The following MS4A4A variants were observed in gnomAD, a reference collection of about 807,000 sequenced individuals.
MS4A4A encodes membrane spanning 4-domains A4A, also known as membrane-spanning 4-domains subfamily A member 4A.
Under a neutral mutation model 28.0 loss-of-function variants are expected in MS4A4A, and 26 were observed. The ratio of observed to expected loss-of-function variants is 0.93; its 90% CI spans 0.68 to 1.29. MS4A4A has a LOEUF of 1.29. MS4A4A is among the 50% of genes most tolerant of loss of function. The probability of loss-of-function intolerance (pLI) is 0.00; values close to 1 mark genes in which losing one functional copy is unlikely to be tolerated. For missense variants in MS4A4A, 290 were observed against 293.1 expected (o/e 0.99, Z 0.08); for synonymous variants, 86 against 100.8 (o/e 0.85, Z 0.88).
In MS4A4A at chr11:60,306,153, G is replaced by A. The variant is rs1222865755; in HGVS notation, c.600G>A (p.Val200=). 6 of 1,613,988 alleles carry A rather than the reference G, an allele frequency of 3.7e-6. No homozygotes were observed. Among genetic ancestry groups the A allele is most frequent in the Admixed American group, 1.7e-5 (1 of 60,012 alleles). The stretch of plus-strand genomic sequence containing the variant: ...GTGTGCTGGAATTCTGCATTGCTGT[G>A]TCCCTCTCTGCCTTTGGATGTAAAG... ...LLSVLEFCIA[V]SLSAFGCKVL... is the part of the protein sequence containing the mutation. The change falls in exon 6 of 7, where the codon GTG becomes GTA. Residue 200 remains valine, a synonymous_variant. Transcript: ENST00000337908.
At chr11:60,289,988 C>T in intron 1 of MS4A4A, 3 of 307,016 alleles carry the variant, frequency 9.8e-6, no homozygotes, top group East Asian at 1.8e-4. Flanking sequence ...TATCTATACT[C>T]TTTACATATT....
In MS4A4A at chr11:60,280,688, T is replaced by A; in HGVS notation, c.13T>A (p.Tyr5Asn). 1 of 1,613,702 alleles carries A rather than the reference T, an allele frequency of 6.2e-7. No homozygotes were observed. Among genetic ancestry groups the A allele is most frequent in the Non-Finnish European group, 8.5e-7 (1 of 1,179,734 alleles). The stretch of plus-strand genomic sequence containing the variant: ...CCCAGAGCCCTGCATGCATCAGACC[T>A]ACAGCAGACATTGCAGGCCTGAAGA... MHQT[Y>N]SRHCRPEEST... is the part of the protein sequence containing the mutation. Residue 5 changes from tyrosine (Y) to asparagine (N), a missense_variant, in exon 1 of 7, where the codon TAC (tyrosine) becomes AAC (asparagine). Tyr to Asn is a moderately radical substitution (Grantham distance 143). Transcript: ENST00000337908.
At chr11:60,304,541 A>G (rs1292340246) in intron 5 of MS4A4A, among the ~76,000 whole-genome samples, 2 of 152,220 alleles carry the variant, frequency 1.3e-5, no homozygotes, top group Non-Finnish European at 2.9e-5. Context: ...GATTTGAAGT[A>G]ATGGTTCTAT....
chr11:60,283,627 C>T (rs988639322), intron 1 of MS4A4A, among the ~76,000 whole-genome samples: 1 of 152,160 alleles, frequency 6.6e-6, no homozygotes, highest in African/African-American at 2.4e-5. Flanking sequence ...TAAAAATAAC[C>T]TCTTCTCCCT....
In MS4A4A at chr11:60,304,782, T is replaced by C. The variant is rs186285136; in HGVS notation, c.547-1318T>C. Among the ~76,000 whole-genome samples the C allele has an allele frequency of 3.1e-3, 474 of 152,326 alleles. 3 individuals carry two copies. The highest frequency in any genetic ancestry group is 4.3e-3 in the Non-Finnish European group (295 of 68,024). ...TGGTCGGCAAAATCTAAAATGTACA[T>C]TATCTGGCCTTTACAGAAAGCTTGC... On this transcript the variant is annotated intron_variant, in intron 5 of 6. Coordinates refer to ENST00000337908, the MANE Select transcript of MS4A4A (RefSeq NM_148975.3).
chr11:60,298,409 T>A (rs1439792068), intron 3 of MS4A4A, among the ~76,000 whole-genome samples: 2 of 152,212 alleles, frequency 1.3e-5, no homozygotes, highest in African/African-American at 4.8e-5. Context: ...AGCTGCACAA[T>A]ACTTCATATA....
chr11:60,308,282 A>T lies in MS4A4A; in HGVS notation c.*104A>T. 1.1e-6 allele frequency: 1 copy of T among 918,298 alleles called. No homozygotes were observed. Among genetic ancestry groups the T allele is most frequent in the Non-Finnish European group, 1.7e-6 (1 of 576,226 alleles). The allele number at this position is 918,298 out of a possible 1,614,324, so 56.9% of individuals were successfully genotyped here. On this transcript the variant is annotated 3_prime_UTR_variant, in exon 7 of 7. Transcript: ENST00000337908. ...CAGTATCCAACTTCGATACTGATAG[A>T]CTTGTTGATATTATTATTATATGTA...
chr11:60,289,407 C>T (rs2084831155), intron 1 of MS4A4A, among the ~76,000 whole-genome samples: 1 of 152,084 alleles, frequency 6.6e-6, no homozygotes, highest in Admixed American at 6.6e-5. Flanking sequence ...CAGAGATTGT[C>T]CTAACTGGGG....
At chr11:60,292,413 T>C (rs200089796) in intron 2 of MS4A4A, 29 bp downstream of exon 2, 112 of 1,557,540 alleles carry the variant, frequency 7.2e-5, no homozygotes, top group Non-Finnish European at 8.6e-5. Context: ...GGAAGACCAA[T>C]GGTGTTGCAA....
intron 1 of MS4A4A, among the ~76,000 whole-genome samples, chr11:60,288,065 G>GGTA (rs751495404): frequency 2.0e-5 from 3 of 152,128 alleles, no homozygotes; most frequent in Non-Finnish European, 4.4e-5. Flanking sequence ...AGATCTCAAA[G>GGTA]GTAGCCTCAC....
In MS4A4A at chr11:60,292,226, A is replaced by C. The variant is rs1590754268; in HGVS notation, c.43A>C (p.Thr15Pro). The C allele has an allele frequency of 6.5e-7, 1 of 1,542,856 alleles. No individual in the cohort carries two copies. The highest frequency in any genetic ancestry group is 8.7e-7 in the Non-Finnish European group (1 of 1,150,564). ...ACTAAATTACATTTCTTATTGTAGCACCTTTTCTGCTGCCATGACAACCAT... is the reference window on the plus strand; with the variant it reads ...ACTAAATTACATTTCTTATTGTAGCCCCTTTTCTGCTGCCATGACAACCAT... ...YSRHCRPEES[T>P]FSAAMTTMQG... The change falls in exon 2 of 7, where the codon ACC (threonine) becomes CCC (proline). Residue 15 changes from threonine to proline, a missense_variant and splice_region_variant. Physicochemically the swap from Thr to Pro is conservative, Grantham distance 38. Coordinates refer to ENST00000337908, the MANE Select transcript of MS4A4A (RefSeq NM_148975.3).
In MS4A4A at chr11:60,292,314, C is replaced by T. The variant is rs572319266; in HGVS notation, c.131C>T (p.Ala44Val). The part of the protein sequence containing the change: ...GPGVPQLGNM[A>V]VIHSHLWKGL... Reference sequence around the variant, plus strand: ...GGTGTGCCCCAGCTGGGAAACATGGCTGTCATACATTCACATCTGTGGAAA... The same window carrying T: ...GGTGTGCCCCAGCTGGGAAACATGGTTGTCATACATTCACATCTGTGGAAA... The change falls in exon 2 of 7, where the codon GCT becomes GTT. Residue 44 changes from alanine to valine, a missense_variant. Physicochemically the swap from Ala to Val is moderately conservative, Grantham distance 64. Coordinates refer to ENST00000337908, the MANE Select transcript of MS4A4A (RefSeq NM_148975.3). The T allele has an allele frequency of 7.1e-5, 115 of 1,610,260 alleles. 2 individuals carry two copies. In the South Asian group the frequency reaches 1.2e-3, roughly 17 times the overall value.
chr11:60,297,009 G>A (rs1590757289), intron 2 of MS4A4A, 188 bp from the exon 3 acceptor site: 4 of 674,086 alleles, frequency 5.9e-6, no homozygotes, highest in South Asian at 3.9e-5. Context: ...TAGACGTCGC[G>A]AGAGATAATA....
chr11:60,281,726 T>C (rs1405003608), intron 1 of MS4A4A, among the ~76,000 whole-genome samples: 1 of 152,186 alleles, frequency 6.6e-6, no homozygotes, highest in Non-Finnish European at 1.5e-5. Flanking sequence ...CTGGTGGTGC[T>C]GCTGATCCAC....
intron 3 of MS4A4A, among the ~76,000 whole-genome samples, chr11:60,298,255 A>T (rs2084923006): frequency 6.6e-6 from 1 of 152,178 alleles, no homozygotes; most frequent in Non-Finnish European, 1.5e-5. Flanking sequence ...CTATTCTAGC[A>T]TTGCAGGGTT....
chr11:60,293,094 A>G (rs997897310), intron 2 of MS4A4A, among the ~76,000 whole-genome samples: 2 of 152,112 alleles, frequency 1.3e-5, no homozygotes, highest in African/African-American at 4.8e-5. Context: ...GTCTCGCTCC[A>G]TCATCCAGGC....
In MS4A4A at chr11:60,292,371, C is replaced by T. The variant is rs2084865313; in HGVS notation, c.188C>T (p.Pro63Leu). ...GLQEKFLKGEPKVLGVVQILT... is the reference protein window; with the variant it reads ...GLQEKFLKGELKVLGVVQILT... ...CAAGAGAAGTTCTTGAAGGGAGAAC[C>T]CAAAGTCCTTGGGGTAAGTTGCAAA... is the stretch of plus-strand genomic sequence containing the variant. Residue 63 changes from proline to leucine, a missense_variant, in exon 2 of 7, where the codon CCC (proline) becomes CTC (leucine). Physicochemically the swap from Pro to Leu is moderately conservative, Grantham distance 98. Transcript: ENST00000337908. 5 of 1,594,644 alleles carry T rather than the reference C, an allele frequency of 3.1e-6. No individual in the cohort carries two copies. The highest frequency in any genetic ancestry group is 4.3e-6 in the Non-Finnish European group (5 of 1,172,710).
At chr11:60,304,477 TG>T (rs1411593048) in intron 5 of MS4A4A, among the ~76,000 whole-genome samples, 2 of 152,234 alleles carry the variant, frequency 1.3e-5, no homozygotes, top group Non-Finnish European at 2.9e-5. Flanking sequence ...GTTAATTGTG[TG>T]AACATCTTTA....
At chr11:60,301,104 T>TA (rs753504775) in intron 4 of MS4A4A, 47 bp downstream of exon 4, 35 of 1,404,566 alleles carry the variant, frequency 2.5e-5, no homozygotes, top group Admixed American at 6.4e-5. Flanking sequence ...GAAGGATTAA[T>TA]AAAAAATGTA....
Sources: gnomAD v4.1 joint callset for allele counts (sites outside exome capture counted in the v4.1 genomes callset) on GRCh38, gnomAD v4.1.1 for gene constraint, MANE v1.5 for transcripts, NCBI Gene and HGNC (gene_info 2026-07-23, HGNC 2026-07-21) for gene names.